Variants in AK9 observed in about 807,000 individuals in gnomAD.
The protein encoded by AK9 is adenylate kinase domain containing 1.
Under a neutral mutation model 239.6 loss-of-function variants are expected in AK9, and 191 were observed. The observed-to-expected ratio is 0.80, with a 90% CI of 0.71 to 0.90. The LOEUF (loss-of-function observed/expected upper bound fraction) is 0.90. Ranked by LOEUF, AK9 falls within the 40% of genes least tolerant of loss-of-function variation. The probability of loss-of-function intolerance (pLI) is 0.00; values close to 1 mark genes in which losing one functional copy is unlikely to be tolerated. For synonymous variants in AK9, 689 were observed against 721.0 expected, an observed-to-expected ratio of 0.96 and a Z score of 0.71; for missense variants, 1,995 against 2,214.7, an observed-to-expected ratio of 0.90 and a Z score of 1.99.
intron 35 of AK9, among the ~76,000 whole-genome samples, chr6:109,504,765 C>T (rs999806569): frequency 1.3e-5 from 2 of 152,098 alleles, no homozygotes; most frequent in African/African-American, 4.8e-5. Flanking sequence ...GCAGAGATCA[C>T]ACCACTGCAC....
rs1786063246 is a variant in AK9, at chr6:109,563,634, T to C, written c.2714A>G (p.Glu905Gly). The change falls in exon 24 of 41, where the codon GAG (glutamate) becomes GGG (glycine). Residue 905 changes from glutamate to glycine, a missense_variant. This residue lies in a region of AK9 where 1,290 missense variants were observed against 1,392.7 expected (regional missense o/e 0.93). Transcript: ENST00000424296. ...CTCTTCCTCTAGCTCCTCATCAACC[T>C]CTGCTTCAGTCTGGTAGTCTTCTGT... is the stretch of plus-strand genomic sequence containing the variant. ...EETEDYQTEAEVDEELEEEEE... is the reference protein window; with the variant it reads ...EETEDYQTEAGVDEELEEEEE... The C allele has an allele frequency of 6.4e-7, 1 of 1,550,846 alleles. No homozygotes were observed. Among genetic ancestry groups the C allele is most frequent in the Non-Finnish European group, 8.7e-7 (1 of 1,146,300 alleles).
intron 24 of AK9, among the ~76,000 whole-genome samples, chr6:109,562,327 C>T (rs888282159): frequency 1.3e-5 from 2 of 152,130 alleles, no homozygotes; most frequent in Non-Finnish European, 2.9e-5. Context: ...ATATATTGTA[C>T]TTCTCAATCT....
chr6:109,577,588 CA>C (rs1788259729), intron 20 of AK9, among the ~76,000 whole-genome samples: 1 of 152,062 alleles, frequency 6.6e-6, no homozygotes, highest in Admixed American at 6.6e-5. Flanking sequence ...TGATAGAAAT[CA>C]GCTGTGAATC....
chr6:109,501,994 C>A (rs1289291288), intron 35 of AK9, among the ~76,000 whole-genome samples: 1 of 152,166 alleles, frequency 6.6e-6, no homozygotes, highest in African/African-American at 2.4e-5. Flanking sequence ...CCCAATTAAT[C>A]TGAACATAAA....
intron 7 of AK9, 42 bp downstream of exon 7, chr6:109,659,186 T>G (rs749628482): frequency 1.8e-5 from 26 of 1,464,756 alleles, no homozygotes; most frequent in Non-Finnish European, 2.2e-5. Context: ...TATAGCAATT[T>G]TAAAAAGTGT....
chr6:109,632,119 A>G lies in AK9; in HGVS notation c.1254+804T>C, dbSNP rs181986875. 4.3e-4 allele frequency: 423 copies of G among 980,610 alleles called. 2 individuals carry two copies. In the African/African-American group the frequency reaches 6.8e-3, roughly 16 times the overall value. 60.7% of individuals were successfully genotyped at this position (980,610 alleles called of 1,614,324 possible). ...CTGGTTGGTGGTTACATGGGGGTTC[A>G]TTTTGCGGTAACTCAGTGGGCTTCA... On this transcript the variant is annotated intron_variant, in intron 12 of 40. Coordinates refer to ENST00000424296, the MANE Select transcript of AK9 (RefSeq NM_001145128.3).
intron 5 of AK9, among the ~76,000 whole-genome samples, chr6:109,670,271 A>C (rs1801876583): frequency 6.6e-6 from 1 of 152,230 alleles, no homozygotes; most frequent in Non-Finnish European, 1.5e-5. Flanking sequence ...TCAAGGAATA[A>C]CAATTAATTT....
At chr6:109,570,769 A>G (rs1355235115) in intron 21 of AK9, among the ~76,000 whole-genome samples, 1 of 152,200 alleles carries the variant, frequency 6.6e-6, no homozygotes, top group Non-Finnish European at 1.5e-5. Flanking sequence ...TGAAAAAGGA[A>G]TCTGAAGCAA....
rs1034867164 is a variant in AK9 at position 109,635,143 on chromosome 6, C to T, written c.934-1820G>A. ...AAAAAAAGAAATAAACTCATGAGGA[C>T]GCAGAGAATGGGAGAAGAGACTAGA... On this transcript the variant is annotated intron_variant, in intron 10 of 40. Coordinates refer to ENST00000424296, the MANE Select transcript of AK9 (RefSeq NM_001145128.3). Among the ~76,000 whole-genome samples, 6 of 151,984 alleles carry T rather than the reference C, an allele frequency of 3.9e-5. No homozygotes were observed. The South Asian group carries it at 6.2e-4, about 16-fold the overall frequency.
chr6:109,638,090 A>G (rs1054240381), intron 10 of AK9, among the ~76,000 whole-genome samples: 2 of 152,208 alleles, frequency 1.3e-5, no homozygotes, highest in Non-Finnish European at 2.9e-5. Context: ...CTTCCCTTTT[A>G]TGAAAAAGGA....
At chr6:109,644,120 A>T (rs1027959117) in intron 9 of AK9, among the ~76,000 whole-genome samples, 24 of 152,222 alleles carry the variant, frequency 1.6e-4, no homozygotes, top group Admixed American at 1.1e-3. Flanking sequence ...AGAGCCCATT[A>T]TAATGCCAGA....
At chr6:109,605,827 G>A (rs141336361) in intron 17 of AK9, among the ~76,000 whole-genome samples, 1 of 152,238 alleles carries the variant, frequency 6.6e-6, no homozygotes, top group East Asian at 1.9e-4. Context: ...GGAATATACT[G>A]AGGTGATTCC....
chr6:109,651,070 G>A (rs374151623), intron 8 of AK9, among the ~76,000 whole-genome samples: 9 of 151,974 alleles, frequency 5.9e-5, no homozygotes, highest in South Asian at 2.1e-4. Flanking sequence ...ATCACACACC[G>A]GGGACTGTTG....
At chr6:109,509,637 A>C (rs1778479338) in intron 32 of AK9, among the ~76,000 whole-genome samples, 1 of 151,750 alleles carries the variant, frequency 6.6e-6, no homozygotes, top group African/African-American at 2.4e-5. Context: ...GGCTACAGTC[A>C]CTTAAACTGC....
Position 109,612,057 on chromosome 6 carries a change from C to T in AK9, c.1646G>A (p.Arg549Lys). Residue 549 changes from arginine to lysine, a missense_variant, in exon 16 of 41, where the codon AGG becomes AAG. By Grantham distance (26) the Arg-to-Lys change is conservative (BLOSUM62 2). Coordinates refer to ENST00000424296, the MANE Select transcript of AK9 (RefSeq NM_001145128.3). The part of the protein sequence containing the change: ...KETGETFTFK[R>K]HSQDASQDVK... ...ATCTTGACTAGCATCTTGAGAATGC[C>T]TTTTAAATGTGAATGTTTCACCAGT... 1 of 1,540,990 alleles carries T rather than the reference C, an allele frequency of 6.5e-7. No homozygotes were observed. Among genetic ancestry groups the T allele is most frequent in the South Asian group, 1.2e-5 (1 of 81,814 alleles).
chr6:109,657,643 T>C (rs1464772080), intron 7 of AK9, among the ~76,000 whole-genome samples: 2 of 151,950 alleles, frequency 1.3e-5, no homozygotes, highest in Non-Finnish European at 2.9e-5. Context: ...TTGGTGTGCT[T>C]CACCCATTAA....
Position 109,573,424 on chromosome 6 carries a change from C to T in AK9, c.2344+18G>A. 6.5e-7 allele frequency: 1 copy of T among 1,534,514 alleles called. No homozygotes were observed. The highest frequency in any genetic ancestry group is 1.2e-5 in the South Asian group (1 of 81,228). Reference sequence around the variant, plus strand: ...GCACATGAGTAGAATTAAGAACTTGCTATCAATAAAGTCTAACCTGCTTCA... The same window carrying T: ...GCACATGAGTAGAATTAAGAACTTGTTATCAATAAAGTCTAACCTGCTTCA... On this transcript the variant is annotated intron_variant, in intron 21 of 40. Coordinates refer to ENST00000424296, the MANE Select transcript of AK9 (RefSeq NM_001145128.3).
intron 21 of AK9, among the ~76,000 whole-genome samples, chr6:109,570,493 A>G (rs1343043851): frequency 6.6e-6 from 1 of 152,142 alleles, no homozygotes; most frequent in Non-Finnish European, 1.5e-5. Flanking sequence ...AGTGATAGGT[A>G]TGCTAAAACC....
At chr6:109,567,741 G>C (rs1372533797) in intron 21 of AK9, among the ~76,000 whole-genome samples, 1 of 111,474 alleles carries the variant, frequency 9.0e-6, no homozygotes, top group Non-Finnish European at 1.7e-5. Flanking sequence ...TGTGGGGTGG[G>C]GGGAGGGGGG....
Sources: allele counts gnomAD v4.1 joint callset (sites outside exome capture counted in the v4.1 genomes callset), GRCh38; gene constraint gnomAD v4.1.1; regional missense constraint gnomAD v4.1.1; transcripts MANE v1.5; gene names NCBI Gene and HGNC (gene_info 2026-07-23, HGNC 2026-07-21).